IWS1: variants seen among roughly 807,000 people sequenced by gnomAD.
IWS1 encodes the protein protein IWS1 homolog.
Under a neutral mutation model 86.7 loss-of-function variants are expected in IWS1, and 27 were observed. The ratio of observed to expected loss-of-function variants is 0.31; its 90% CI spans 0.23 to 0.43. IWS1 has a LOEUF of 0.43. Ranked by LOEUF, IWS1 falls within the 20% of genes least tolerant of loss-of-function variation. The pLI, the probability that IWS1 is intolerant of heterozygous loss-of-function variation, is 1.00. For missense variants in IWS1, 827 were observed against 1,000.8 expected (o/e 0.83, Z 2.34); for synonymous variants, 313 against 335.1 (o/e 0.93, Z 0.72).
Position 127,498,210 on chromosome 2 carries a change from C to T in IWS1, c.1495G>A (p.Glu499Lys). The T allele has an allele frequency of 6.3e-7, 1 of 1,596,636 alleles. No homozygotes were observed. The highest frequency in any genetic ancestry group is 1.3e-5 in the African/African-American group (1 of 74,736). ...TCTTTTACCTGTGTTTCACCTTTTT[C>T]TTCTTCCAGATCTTCTTGGTTAAAA... ...TGFNQEDLEE[E>K]KGETQVKEAE... is the part of the protein sequence containing the mutation. The change falls in exon 6 of 14, where the codon GAA (glutamate) becomes AAA (lysine). Residue 499 changes from glutamate (E) to lysine (K), a missense_variant. By Grantham distance (56) the Glu-to-Lys change is moderately conservative. Transcript: ENST00000295321.
chr2:127,483,418 G>C (rs549496312), intron 13 of IWS1, among the ~76,000 whole-genome samples: 45 of 151,564 alleles, frequency 3.0e-4, no homozygotes, highest in Non-Finnish European at 1.2e-4. Flanking sequence ...AGACCAGCCT[G>C]AGCAAGATGG....
In IWS1 at chr2:127,499,095, C is replaced by CTTTTTTT. The variant is rs397718564; in HGVS notation, c.1468-865_1468-859dup. On this transcript the variant is annotated intron_variant, in intron 5 of 13. Transcript: ENST00000295321. The surrounding 1 kb of genome is among the most constrained non-coding windows in gnomAD (Gnocchi z 4.0). ...TTTGCCAGGCATAATTTTTCTTTTT[C>CTTTTTTT]TTTTTTTTTTTTTGAGACGGAGTCT... 1.4e-5 allele frequency among the ~76,000 whole-genome samples: 2 copies of CTTTTTTT among 143,800 alleles called. No individual in the cohort carries two copies. Among genetic ancestry groups the CTTTTTTT allele is most frequent in the Non-Finnish European group, 1.5e-5 (1 of 66,240 alleles). 94.3% of individuals were successfully genotyped at this position (143,800 alleles called of 152,430 possible).
intron 2 of IWS1, among the ~76,000 whole-genome samples, chr2:127,521,950 C>G (rs1303876438): frequency 1.3e-5 from 2 of 152,126 alleles, no homozygotes; most frequent in Non-Finnish European, 2.9e-5. Flanking sequence ...AATGCTGTTT[C>G]CAAAGAGGAA....
chr2:127,526,481 A>C lies in IWS1; in HGVS notation c.-273T>G. On this transcript the variant is annotated 5_prime_UTR_variant, in exon 1 of 14. Transcript: ENST00000295321. ...TCCTAGAAGCACCGCTGGGGCCAAA[A>C]TGGCGTCTGCCCACGACCCTCAAAG... 2.6e-6 allele frequency: 4 copies of C among 1,515,824 alleles called. No homozygotes were observed. Among genetic ancestry groups the C allele is most frequent in the Admixed American group, 2.0e-5 (1 of 49,728 alleles). 93.9% of individuals were successfully genotyped at this position (1,515,824 alleles called of 1,614,324 possible).
At chr2:127,526,623 T>G (rs148048177), upstream of IWS1, 179 of 1,343,054 alleles carry the variant, frequency 1.3e-4, no homozygotes, top group African/African-American at 2.5e-3. Context: ...GAACTCGGGC[T>G]TTAGTTAAAT....
At chr2:127,519,700 A>C (rs1042752405) in intron 2 of IWS1, among the ~76,000 whole-genome samples, 3 of 152,220 alleles carry the variant, frequency 2.0e-5, no homozygotes, top group Admixed American at 6.5e-5. Context: ...GTCACTTTAC[A>C]TGCAAGGGAC....
intron 2 of IWS1, among the ~76,000 whole-genome samples, chr2:127,518,906 C>CA (rs780202708): frequency 9.9e-5 from 15 of 152,018 alleles, no homozygotes; most frequent in East Asian, 1.9e-4. Flanking sequence ...AACGTTGGTG[C>CA]AAAAAAACCC....
chr2:127,480,878 C>T lies in IWS1; in HGVS notation c.*166G>A. On this transcript the variant is annotated 3_prime_UTR_variant, in exon 14 of 14. Transcript: ENST00000295321. ...GACTAGTATTCCTTTGTACAAAGTA[C>T]ACAACGGTTTTAAATATAACTGAGA... The T allele has an allele frequency of 8.8e-6, 6 of 685,384 alleles. No homozygotes were observed. Among genetic ancestry groups the T allele is most frequent in the Non-Finnish European group, 1.4e-5 (6 of 425,584 alleles). 42.5% of individuals were successfully genotyped at this position (685,384 alleles called of 1,614,324 possible). A position where few individuals can be genotyped will look rare whatever the true frequency, so the allele number is the denominator to read the frequency against.
At chr2:127,524,147 G>A (rs1010498867) in intron 1 of IWS1, among the ~76,000 whole-genome samples, 2 of 152,030 alleles carry the variant, frequency 1.3e-5, no homozygotes, top group African/African-American at 4.8e-5. Flanking sequence ...TTTGTTTAAC[G>A]TGGGTCTTCT....
At chr2:127,494,990 C>G in intron 7 of IWS1, 36 bp from the exon 8 acceptor site, 1 of 1,325,860 alleles carries the variant, frequency 7.5e-7, no homozygotes, top group Non-Finnish European at 1.1e-6. Flanking sequence ...TTTTTTAAAA[C>G]AGTACTTTTT....
At chr2:127,517,221 T>G (rs1691823981) in intron 2 of IWS1, among the ~76,000 whole-genome samples, 1 of 152,186 alleles carries the variant, frequency 6.6e-6, no homozygotes, top group Non-Finnish European at 1.5e-5. Context: ...GAATCCCAGC[T>G]AACTTCTCTG....
chr2:127,525,709 G>A (rs1160696271), intron 1 of IWS1, among the ~76,000 whole-genome samples: 1 of 152,200 alleles, frequency 6.6e-6, no homozygotes, highest in Admixed American at 6.5e-5. Context: ...GTAAGTGCCA[G>A]AAGCGCATTC....
chr2:127,488,321 T>C (rs766180322), intron 12 of IWS1, among the ~76,000 whole-genome samples: 1 of 152,264 alleles, frequency 6.6e-6, no homozygotes, highest in Non-Finnish European at 1.5e-5. Context: ...ATAATATTTA[T>C]AGGGCTATCT....
Position 127,489,248 on chromosome 2 carries a change from T to C in IWS1, c.2160-13A>G, listed in dbSNP as rs745476638. On this transcript the variant is annotated splice_polypyrimidine_tract_variant and intron_variant, in intron 11 of 13. Transcript: ENST00000295321. The surrounding 1 kb of genome is among the most constrained non-coding windows in gnomAD (Gnocchi z 4.8). ...CTGACCACCAGTGCTGAAAAAAAAG[T>C]AAACAAGGAGATACCAGGAATATTA... 5.0e-6 allele frequency: 8 copies of C among 1,604,040 alleles called. No homozygotes were observed. In the African/African-American group the frequency reaches 1.1e-4, roughly 22 times the overall value.
At position 127,523,696 on chromosome 2, in the gene IWS1, T is replaced by C. The variant is rs1692235178; in HGVS notation, c.130A>G (p.Ser44Gly). The C allele has an allele frequency of 6.2e-7, 1 of 1,612,844 alleles. No individual in the cohort carries two copies. The change falls in exon 2 of 14, where the codon AGT (serine) becomes GGT (glycine). Residue 44 changes from serine to glycine, a missense_variant. By Grantham distance (56) the Ser-to-Gly change is moderately conservative. Coordinates refer to ENST00000295321, the MANE Select transcript of IWS1 (RefSeq NM_017969.3). ...AATACCTCTGAATGACGTTCTACAC[T>C]TCCAGTGTCTGATCCGGAGTGTTGC... ...NEQHSGSDTGSVERHSENETS... is the reference protein window; with the variant it reads ...NEQHSGSDTGGVERHSENETS...
intron 5 of IWS1, among the ~76,000 whole-genome samples, chr2:127,502,198 A>C (rs1243109861): frequency 6.6e-6 from 1 of 152,114 alleles, no homozygotes; most frequent in Non-Finnish European, 1.5e-5. Context: ...ATTTCCCCCT[A>C]AATCTTATGG....
At chr2:127,482,119 T>C (rs569436875) in intron 13 of IWS1, 1 of 152,098 alleles carries the variant, frequency 6.6e-6, no homozygotes, top group African/African-American at 2.4e-5. Context: ...AAGAGATGGG[T>C]TTTTCTAATT....
In IWS1 at chr2:127,496,987, G is replaced by C. The variant is rs1690546229; in HGVS notation, c.1566-839C>G. 2.0e-5 allele frequency among the ~76,000 whole-genome samples: 3 copies of C among 152,178 alleles called. 1 individual carries two copies. The South Asian group carries it at 6.2e-4, about 31-fold the overall frequency. On this transcript the variant is annotated intron_variant, in intron 6 of 13. Transcript: ENST00000295321. ...ACATGCTGCACAGGTTTGTACCCTA[G>C]GTGCGATAGGTTTTACCATACAGCC...
intron 7 of IWS1, among the ~76,000 whole-genome samples, chr2:127,495,260 G>C (rs186348146): frequency 6.6e-6 from 1 of 152,120 alleles, no homozygotes; most frequent in East Asian, 1.9e-4. Flanking sequence ...TTAAAACTGG[G>C]AAATTCTGGT....
Sources: gnomAD v4.1 joint callset for allele counts (sites outside exome capture counted in the v4.1 genomes callset) on GRCh38, gnomAD v4.1.1 for gene constraint, Gnocchi (gnomAD v3.1) non-coding constraint, MANE v1.5 for transcripts, NCBI Gene and HGNC (gene_info 2026-07-23, HGNC 2026-07-21) for gene names.